The following REST variants were observed in gnomAD, a reference collection of about 807,000 sequenced individuals.
The protein encoded by REST is RE1-silencing transcription factor.
REST carries 1 observed loss-of-function variant against 30.4 expected under a neutral mutation model. The observed-to-expected ratio is 0.03, with a 90% CI of 0.01 to 0.16. REST has a LOEUF of 0.16. Among genes scored for constraint, REST ranks in the 10% least tolerant of loss-of-function variants. The pLI, the probability that REST is intolerant of heterozygous loss-of-function variation, is 1.00. For synonymous variants in REST, 504 were observed against 451.1 expected (o/e 1.12, Z -1.49); for missense variants, 1,259 against 1,329.5 (o/e 0.95, Z 0.82).
chr4:56,931,673 C>G lies in REST; in HGVS notation c.2815C>G (p.Gln939Glu). 1.9e-6 allele frequency: 3 copies of G among 1,614,234 alleles called. No homozygotes were observed. The highest frequency in any genetic ancestry group is 2.5e-6 in the Non-Finnish European group (3 of 1,180,048). ...GGGTGAAACTTTAAATGGTAAACATCAGACTGACAGTATAGTTTGTGAAAT... is the reference window on the plus strand; with the variant it reads ...GGGTGAAACTTTAAATGGTAAACATGAGACTGACAGTATAGTTTGTGAAAT... ...PEGETLNGKH[Q>E]TDSIVCEMKM... The change falls in exon 4 of 4, where the codon CAG becomes GAG. Residue 939 changes from glutamine (Q) to glutamate (E), a missense_variant. Around this residue, in one of 5 missense-constraint regions of REST, gnomAD observed 856 missense variants for 772.8 expected, o/e 1.11. Coordinates refer to ENST00000309042, the MANE Select transcript of REST (RefSeq NM_005612.5).
rs1424111448 is a variant in REST, at chr4:56,910,881, TAAC to T, written c.247_249del (p.Asn83del). On this transcript the variant is annotated inframe_deletion, in exon 2 of 4. Transcript: ENST00000309042. ...TGGCAGAACTGATGCCGGTTGGGGA[TAAC>T]AACTTTTCAGATAGTGAAGAAGGAG... The T allele has an allele frequency of 3.1e-6, 5 of 1,614,036 alleles. No homozygotes were observed. The highest frequency in any genetic ancestry group is 4.2e-6 in the Non-Finnish European group (5 of 1,180,020).
At chr4:56,925,126 T>C (rs1385931319) in intron 3 of REST, among the ~76,000 whole-genome samples, 3 of 149,650 alleles carry the variant, frequency 2.0e-5, no homozygotes, top group Non-Finnish European at 4.4e-5. Flanking sequence ...GATTGCGCCA[T>C]TGCACTCCAG....
At chr4:56,928,830 C>T (rs533602649) in intron 3 of REST, among the ~76,000 whole-genome samples, 5 of 151,618 alleles carry the variant, frequency 3.3e-5, no homozygotes, top group South Asian at 4.2e-4. Context: ...CTCAGGTGAT[C>T]CACCTGCCTT....
intron 3 of REST, among the ~76,000 whole-genome samples, chr4:56,920,459 C>T (rs1229546325): frequency 1.3e-5 from 2 of 151,544 alleles, no homozygotes; most frequent in Non-Finnish European, 1.5e-5. Context: ...ATCACCATCA[C>T]CACTCATAAT....
intron 3 of REST, among the ~76,000 whole-genome samples, chr4:56,926,037 CAGGATACGT>C (rs1270405314): frequency 6.6e-6 from 1 of 152,128 alleles, no homozygotes; most frequent in Non-Finnish European, 1.5e-5. Flanking sequence ...GTAGGAAAGA[CAGGATACGT>C]AAGAGTCTTC....
At position 56,931,086 on chromosome 4, in the gene REST, A is replaced by T; in HGVS notation, c.2228A>T (p.Glu743Val). The change falls in exon 4 of 4, where the codon GAG becomes GTG. Residue 743 changes from glutamate (E) to valine (V), a missense_variant. Physicochemically the swap from Glu to Val is moderately radical, Grantham distance 121. Coordinates refer to ENST00000309042, the MANE Select transcript of REST (RefSeq NM_005612.5). Reference protein sequence around the residue: ...LSPPMEVVQKEPVQIELSPPM... With the variant: ...LSPPMEVVQKVPVQIELSPPM... Reference sequence around the variant, plus strand: ...CCTCCCATGGAGGTGGTCCAGAAGGAGCCTGTTCAGATAGAGCTGTCTCCT... The same window carrying T: ...CCTCCCATGGAGGTGGTCCAGAAGGTGCCTGTTCAGATAGAGCTGTCTCCT... 3.6e-6 allele frequency: 5 copies of T among 1,385,012 alleles called. No homozygotes were observed. The East Asian group carries it at 1.0e-4, about 29-fold the overall frequency. The allele number at this position is 1,385,012 out of a possible 1,614,324, so 85.8% of individuals were successfully genotyped here. A position where few individuals can be genotyped will look rare whatever the true frequency, so the allele number is the denominator to read the frequency against.
At position 56,931,951 on chromosome 4, in the gene REST, A is replaced by C; in HGVS notation, c.3093A>C (p.Gly1031=). The C allele has an allele frequency of 6.2e-7, 1 of 1,614,246 alleles. No individual in the cohort carries two copies. Among genetic ancestry groups the C allele is most frequent in the Non-Finnish European group, 8.5e-7 (1 of 1,180,034 alleles). The change falls in exon 4 of 4, where the codon GGA becomes GGC. Residue 1031 remains glycine (G), a synonymous_variant. Coordinates refer to ENST00000309042, the MANE Select transcript of REST (RefSeq NM_005612.5). Reference sequence around the variant, plus strand: ...TGTCAGAGGGTAGTGATGATTCTGGATTGCATGGGGCTCGGCCAGTTCCAC... The same window carrying C: ...TGTCAGAGGGTAGTGATGATTCTGGCTTGCATGGGGCTCGGCCAGTTCCAC... ...DNMSEGSDDS[G]LHGARPVPQE...
intron 1 of REST, among the ~76,000 whole-genome samples, chr4:56,910,422 G>A (rs978878086): frequency 6.6e-6 from 1 of 152,220 alleles, no homozygotes; most frequent in South Asian, 2.1e-4. Flanking sequence ...TATAGGGATA[G>A]TAGAAATTTT....
At chr4:56,908,606 C>G (rs1416310304) in intron 1 of REST, among the ~76,000 whole-genome samples, 1 of 152,058 alleles carries the variant, frequency 6.6e-6, no homozygotes, top group Non-Finnish European at 1.5e-5. Flanking sequence ...CGGGTCCCAC[C>G]GCAGCCCCGC....
intron 3 of REST, among the ~76,000 whole-genome samples, chr4:56,924,941 G>A (rs1279814200): frequency 2.6e-5 from 4 of 151,854 alleles, no homozygotes; most frequent in South Asian, 2.1e-4. Flanking sequence ...CATGGTGAGC[G>A]GATCATCGGA....
intron 1 of REST, among the ~76,000 whole-genome samples, chr4:56,909,921 G>T (rs916358829): frequency 4.6e-5 from 7 of 152,166 alleles, no homozygotes; most frequent in Non-Finnish European, 1.0e-4. Flanking sequence ...ACTTCAGCCT[G>T]CAGAAAAATA....
chr4:56,908,521 G>C (rs1467510688), intron 1 of REST, among the ~76,000 whole-genome samples: 3 of 151,944 alleles, frequency 2.0e-5, no homozygotes, highest in Non-Finnish European at 4.4e-5. Flanking sequence ...CACCGAGTCA[G>C]GTCCTTTGAG....
chr4:56,923,834 G>C (rs1720559650), intron 3 of REST, among the ~76,000 whole-genome samples: 1 of 151,752 alleles, frequency 6.6e-6, no homozygotes, highest in Admixed American at 6.6e-5. Flanking sequence ...CGATTCTCCT[G>C]CCTCAGCCTC....
Position 56,931,681 on chromosome 4 carries a change from C to T in REST, c.2823C>T (p.Asp941=), listed in dbSNP as rs763910088. The T allele has an allele frequency of 1.2e-5, 19 of 1,614,058 alleles. No individual in the cohort carries two copies. Among genetic ancestry groups the T allele is most frequent in the Non-Finnish European group, 1.6e-5 (19 of 1,180,048 alleles). ...CTTTAAATGGTAAACATCAGACTGA[C>T]AGTATAGTTTGTGAAATGAAAATGG... ...GETLNGKHQT[D]SIVCEMKMDT... The change falls in exon 4 of 4, where the codon GAC becomes GAT. Residue 941 remains aspartate, a synonymous_variant. Transcript: ENST00000309042.
chr4:56,929,638 G>A (rs1191560550), intron 3 of REST, among the ~76,000 whole-genome samples: 1 of 152,184 alleles, frequency 6.6e-6, no homozygotes, highest in African/African-American at 2.4e-5. Context: ...GAAGCTTGTG[G>A]TTAACTGAGA....
intron 2 of REST, among the ~76,000 whole-genome samples, chr4:56,918,118 A>G (rs1244974773): frequency 6.6e-6 from 1 of 151,166 alleles, no homozygotes; most frequent in Non-Finnish European, 1.5e-5. Context: ...TACGTTTCCT[A>G]CCTTTGAGTC....
In REST at chr4:56,911,033, A is replaced by G. The variant is rs750876253; in HGVS notation, c.395A>G (p.Asp132Gly). Residue 132 changes from aspartate (D) to glycine (G), a missense_variant, in exon 2 of 4, where the codon GAT becomes GGT. Around this residue, in one of 5 missense-constraint regions of REST, gnomAD observed 249 missense variants for 251.5 expected, o/e 0.99. Transcript: ENST00000309042. Reference protein sequence around the residue: ...QPVFEASGAPDIYSSNKDLPP... With the variant: ...QPVFEASGAPGIYSSNKDLPP... Reference sequence around the variant, plus strand: ...GTATTTGAGGCATCAGGTGCTCCAGATATTTACAGTTCAAATAAAGATCTT... The same window carrying G: ...GTATTTGAGGCATCAGGTGCTCCAGGTATTTACAGTTCAAATAAAGATCTT... 6.2e-7 allele frequency: 1 copy of G among 1,614,158 alleles called. No individual in the cohort carries two copies. The highest frequency in any genetic ancestry group is 1.1e-5 in the South Asian group (1 of 91,080).
rs1257978702 is a variant in REST, at chr4:56,932,170, TTTCAG to T, written c.*22_*26del. 1 of 1,580,722 alleles carries T rather than the reference TTTCAG, an allele frequency of 6.3e-7. No homozygotes were observed. The highest frequency in any genetic ancestry group is 1.9e-5 in the Admixed American group (1 of 54,042). ...AGGAGTAATGAAACTTTGAACAAGG[TTTCAG>T]TTCTTAGTTTGTAAGGTATATTACA... On this transcript the variant is annotated 3_prime_UTR_variant, in exon 4 of 4. Coordinates refer to ENST00000309042, the MANE Select transcript of REST (RefSeq NM_005612.5).
At chr4:56,915,644 T>G (rs1720162814) in intron 2 of REST, among the ~76,000 whole-genome samples, 1 of 152,146 alleles carries the variant, frequency 6.6e-6, no homozygotes, top group Non-Finnish European at 1.5e-5. Flanking sequence ...AAATGGATAG[T>G]TCTGAAAATT....
Sources: gnomAD v4.1 joint callset for allele counts (sites outside exome capture counted in the v4.1 genomes callset) on GRCh38, gnomAD v4.1.1 for gene constraint, gnomAD v4.1.1 regional missense constraint, MANE v1.5 for transcripts, NCBI Gene and HGNC (gene_info 2026-07-23, HGNC 2026-07-21) for gene names.